The following MUC12 variants were observed in gnomAD, a reference collection of about 807,000 sequenced individuals.
MUC12 encodes the protein mucin-12.
A neutral mutation model predicts 230.8 loss-of-function variants in MUC12; 172 were observed. That is an observed-to-expected ratio of 0.75 (90% CI 0.66 to 0.85). MUC12 has a LOEUF of 0.85. Ranked by LOEUF, MUC12 falls within the 40% of genes least tolerant of loss-of-function variation. MUC12 has a pLI of 0.00. For synonymous variants in MUC12, 1,259 were observed against 2,401.9 expected (o/e 0.52, Z 13.91); for missense variants, 3,506 against 5,920.6 (o/e 0.59, Z 13.38).
chr7:100,976,990 G>T (rs928441607), intron 1 of MUC12, among the ~76,000 whole-genome samples: 1 of 145,284 alleles, frequency 6.9e-6, no homozygotes, highest in Admixed American at 7.1e-5. Context: ...GGCAGAGGTT[G>T]CAGTGAGCCG....
chr7:100,970,674 C>G (rs954648041), intron 1 of MUC12, among the ~76,000 whole-genome samples: 3 of 152,076 alleles, frequency 2.0e-5, no homozygotes, highest in South Asian at 4.2e-4. Context: ...GAAATTGAGA[C>G]CATCCTAGCC....
Position 100,987,698 on chromosome 7 carries a change from C to G in MUC12, c.68-2933C>G, listed in dbSNP as rs554775417. Among the ~76,000 whole-genome samples, 44 of 152,210 alleles carry G rather than the reference C, an allele frequency of 2.9e-4. No homozygotes were observed. In the South Asian group the frequency reaches 2.9e-3, roughly 10 times the overall value. ...GTCTTTTAGAAGTGTGTGGGCCAGG[C>G]GCGGTGGCTCGCGCCTGTAATCCCA... On this transcript the variant is annotated intron_variant, in intron 1 of 11. Transcript: ENST00000536621.
intron 5 of MUC12, among the ~76,000 whole-genome samples, chr7:101,010,982 G>C (rs1793834082): frequency 6.6e-6 from 1 of 152,144 alleles, no homozygotes; most frequent in Admixed American, 6.5e-5. Flanking sequence ...ACAGGCATTG[G>C]TATCCCCAGT....
intron 10 of MUC12, 113 bp from the exon 11 acceptor site, chr7:101,017,462 G>C (rs1446349046): frequency 5.9e-6 from 4 of 678,688 alleles, no homozygotes; most frequent in Non-Finnish European, 5.0e-6. Context: ...CAGTGGGAAA[G>C]GGCGTAGGGC....
rs201006805 is a variant in MUC12 at position 101,005,323 on chromosome 7, A to T, written c.14760A>T (p.Leu4920Phe). ...SSSDATGTTP[L>F]PARSTASDLV... ...CAGACGCAACTGGAACAACACCCTT[A>T]CCTGCCCGCTCCACAGCCTCAGACC... Residue 4920 changes from leucine (L) to phenylalanine (F), a missense_variant, in exon 2 of 12, where the codon TTA becomes TTT. Transcript: ENST00000536621. 1,291 of 1,537,716 alleles carry T rather than the reference A, an allele frequency of 8.4e-4. 14 individuals are homozygous for T. In the African/African-American group the frequency reaches 0.016, roughly 19 times the overall value.
intron 1 of MUC12, among the ~76,000 whole-genome samples, chr7:100,975,543 C>A (rs1337080696): frequency 6.6e-6 from 1 of 152,312 alleles, no homozygotes. Flanking sequence ...AAGGCTGGCT[C>A]TGCTTGAGCA....
chr7:100,980,624 C>T (rs564439080), intron 1 of MUC12, among the ~76,000 whole-genome samples: 58 of 152,250 alleles, frequency 3.8e-4, no homozygotes, highest in South Asian at 1.7e-3. Context: ...GGAATGTCAT[C>T]GTTAAAATGA....
At position 101,009,041 on chromosome 7, in the gene MUC12, G is replaced by A. The variant is rs1793801820; in HGVS notation, c.15187-54G>A. 5 of 1,522,300 alleles carry A rather than the reference G, an allele frequency of 3.3e-6. No individual in the cohort carries two copies. In the Admixed American group the frequency reaches 7.8e-5, roughly 24 times the overall value. The allele number at this position is 1,522,300 out of a possible 1,614,324, so 94.3% of individuals were successfully genotyped here. A position where few individuals can be genotyped will look rare whatever the true frequency, so the allele number is the denominator to read the frequency against. Reference sequence around the variant, plus strand: ...TAGGGCTGCCTCAAGAAGGGTAACAGGAGAGTCTTCATGCTCTAGCTTTGT... The same window carrying A: ...TAGGGCTGCCTCAAGAAGGGTAACAAGAGAGTCTTCATGCTCTAGCTTTGT... On this transcript the variant is annotated intron_variant, in intron 4 of 11. Coordinates refer to ENST00000536621, the MANE Select transcript of MUC12 (RefSeq NM_001164462.2).
At position 100,991,045 on chromosome 7, in the gene MUC12, T is replaced by G; in HGVS notation, c.482T>G (p.Val161Gly). The G allele has an allele frequency of 6.5e-7, 1 of 1,537,240 alleles. No individual in the cohort carries two copies. The highest frequency in any genetic ancestry group is 8.7e-7 in the Non-Finnish European group (1 of 1,146,818). The change falls in exon 2 of 12, where the codon GTC (valine) becomes GGC (glycine). Residue 161 changes from valine (V) to glycine (G), a missense_variant. By Grantham distance (109) the Val-to-Gly change is moderately radical (BLOSUM62 -3). Coordinates refer to ENST00000536621, the MANE Select transcript of MUC12 (RefSeq NM_001164462.2). ...LSPARTTSSGVSEKSTTSHSR... is the reference protein window; with the variant it reads ...LSPARTTSSGGSEKSTTSHSR... ...CCTGCCCGCACGACAAGCTCAGGCG[T>G]CAGTGAAAAATCAACCACCTCCCAC... is the stretch of plus-strand genomic sequence containing the variant.
intron 1 of MUC12, among the ~76,000 whole-genome samples, chr7:100,971,152 C>CAA (rs201598387): frequency 3.7e-5 from 1 of 27,330 alleles, no homozygotes; most frequent in African/African-American, 1.1e-4. Flanking sequence ...GAGACTCTCT[C>CAA]AAAAAAAAAC....
Position 101,004,718 on chromosome 7 carries a change from G to C in MUC12, c.14155G>C (p.Gly4719Arg). ...AESTTFYISP[G>R]SMETTLASTA... ...ATCTACCACCTTCTATATCTCTCCAGGCTCAATGGAAACAACATTAGCCAG... is the reference window on the plus strand; with the variant it reads ...ATCTACCACCTTCTATATCTCTCCACGCTCAATGGAAACAACATTAGCCAG... The change falls in exon 2 of 12, where the codon GGC (glycine) becomes CGC (arginine). Residue 4719 changes from glycine (G) to arginine (R), a missense_variant. By Grantham distance (125) the Gly-to-Arg change is moderately radical. Transcript: ENST00000536621. 1.3e-6 allele frequency: 2 copies of C among 1,536,960 alleles called. No individual in the cohort carries two copies. The highest frequency in any genetic ancestry group is 1.7e-6 in the Non-Finnish European group (2 of 1,146,408).
intron 1 of MUC12, among the ~76,000 whole-genome samples, chr7:100,976,029 T>C (rs964094274): frequency 6.6e-6 from 1 of 152,216 alleles, no homozygotes; most frequent in African/African-American, 2.4e-5. Flanking sequence ...GGCTCACTCA[T>C]GCCTGTAATC....
At chr7:100,969,919 G>C (rs1792821163) in intron 1 of MUC12, among the ~76,000 whole-genome samples, 1 of 152,308 alleles carries the variant, frequency 6.6e-6, no homozygotes, top group African/African-American at 2.4e-5. Context: ...TCTGCACACA[G>C]CTCCTGGCTG....
chr7:100,991,968 C>T lies in MUC12; in HGVS notation c.1405C>T (p.Pro469Ser). The change falls in exon 2 of 12, where the codon CCC becomes TCC. Residue 469 changes from proline (P) to serine (S), a missense_variant. Pro to Ser is a moderately conservative substitution (Grantham distance 74). Coordinates refer to ENST00000536621, the MANE Select transcript of MUC12 (RefSeq NM_001164462.2). ...TCTTGTTGGAGACTCGACGCCCTCACCCATCAGTTCAGGCTCAATGGAAAC... is the reference window on the plus strand; with the variant it reads ...TCTTGTTGGAGACTCGACGCCCTCATCCATCAGTTCAGGCTCAATGGAAAC... Reference protein sequence around the residue: ...SVLVGDSTPSPISSGSMETTA... With the variant: ...SVLVGDSTPSSISSGSMETTA... The T allele has an allele frequency of 7.2e-6, 11 of 1,537,954 alleles. No individual in the cohort carries two copies. The highest frequency in any genetic ancestry group is 9.6e-6 in the Non-Finnish European group (11 of 1,147,076).
chr7:100,994,365 G>T lies in MUC12; in HGVS notation c.3802G>T (p.Glu1268Ter), dbSNP rs2116314795. 1 of 786,550 alleles carries T rather than the reference G, an allele frequency of 1.3e-6. No homozygotes were observed. Among genetic ancestry groups the T allele is most frequent in the East Asian group, 4.4e-5 (1 of 22,486 alleles). 48.7% of individuals were successfully genotyped at this position (786,550 alleles called of 1,614,324 possible). The change falls in exon 2 of 12, where the codon GAA becomes TAA. Residue 1268 changes from glutamate (E) to a stop codon, truncating the protein, a stop_gained. Coordinates refer to ENST00000536621, the MANE Select transcript of MUC12 (RefSeq NM_001164462.2). LOFTEE classifies it high-confidence loss of function. ...CTCCACCACCTCTGGCCTCGTTGGA[G>T]AATCCACACCCTCACGCCTCAGTCC... Reference protein sequence around the residue: ...ARSTTSGLVGESTPSRLSPSS... With the variant: ...ARSTTSGLVG
chr7:100,990,742 C>G lies in MUC12; in HGVS notation c.179C>G (p.Thr60Arg), dbSNP rs199754908. The G allele has an allele frequency of 3.3e-6, 5 of 1,537,892 alleles. No individual in the cohort carries two copies. In the African/African-American group the frequency reaches 6.8e-5, roughly 21 times the overall value. The change falls in exon 2 of 12, where the codon ACG (threonine) becomes AGG (arginine). Residue 60 changes from threonine to arginine, a missense_variant. Coordinates refer to ENST00000536621, the MANE Select transcript of MUC12 (RefSeq NM_001164462.2). ...TATGGGGTGTCAGTCACATTTATCA[C>G]GGGCTCAACTGCAACAAAACACTTC... ...SDYGVSVTFI[T>R]GSTATKHFLD... is the part of the protein sequence containing the mutation.
chr7:100,991,449 T>C lies in MUC12; in HGVS notation c.886T>C (p.Ser296Pro). Residue 296 changes from serine to proline, a missense_variant, in exon 2 of 12, where the codon TCA (serine) becomes CCA (proline). Coordinates refer to ENST00000536621, the MANE Select transcript of MUC12 (RefSeq NM_001164462.2). Reference sequence around the variant, plus strand: ...TTCGCCTGCACCTTCTGGTACCACATCAGCCTTTGTTAAACTATCTACAAC... The same window carrying C: ...TTCGCCTGCACCTTCTGGTACCACACCAGCCTTTGTTAAACTATCTACAAC... The part of the protein sequence containing the change: ...DTSPAPSGTT[S>P]AFVKLSTTYH... 1 of 1,537,776 alleles carries C rather than the reference T, an allele frequency of 6.5e-7. No homozygotes were observed. Among genetic ancestry groups the C allele is most frequent in the Non-Finnish European group, 8.7e-7 (1 of 1,147,044 alleles).
rs762566687 is a variant in MUC12, at chr7:100,992,196, C to T, written c.1633C>T (p.Leu545Phe). The change falls in exon 2 of 12, where the codon CTC becomes TTC. Residue 545 changes from leucine to phenylalanine, a missense_variant. By Grantham distance (22) the Leu-to-Phe change is conservative. Transcript: ENST00000536621. ...CCCTGGCAGTACCACCATGCCAGGCCTCAGTCAGGAATCTACAGCTTCCCA... is the reference window on the plus strand; with the variant it reads ...CCCTGGCAGTACCACCATGCCAGGCTTCAGTCAGGAATCTACAGCTTCCCA... ...AFPGSTTMPGLSQESTASHSS... is the reference protein window; with the variant it reads ...AFPGSTTMPGFSQESTASHSS... 2.6e-6 allele frequency: 4 copies of T among 1,537,916 alleles called. No homozygotes were observed. Among genetic ancestry groups the T allele is most frequent in the Non-Finnish European group, 8.7e-7 (1 of 1,147,050 alleles).
rs575368158 is a variant in MUC12 at position 100,991,930 on chromosome 7, C to A, written c.1367C>A (p.Ser456Tyr). ...GCAACAACAGTCTTACCTGCCGGCT[C>A]TACACCCTCAGTTCTTGTTGGAGAC... ...AMATTVLPAG[S>Y]TPSVLVGDST... The change falls in exon 2 of 12, where the codon TCT becomes TAT. Residue 456 changes from serine (S) to tyrosine (Y), a missense_variant. Physicochemically the swap from Ser to Tyr is moderately radical, Grantham distance 144 (BLOSUM62 -2). Coordinates refer to ENST00000536621, the MANE Select transcript of MUC12 (RefSeq NM_001164462.2). 2.6e-6 allele frequency: 4 copies of A among 1,537,994 alleles called. No individual in the cohort carries two copies. Among genetic ancestry groups the A allele is most frequent in the African/African-American group, 1.4e-5 (1 of 73,172 alleles).
Sources: allele counts gnomAD v4.1 joint callset (sites outside exome capture counted in the v4.1 genomes callset), GRCh38; gene constraint gnomAD v4.1.1; transcripts MANE v1.5; gene names NCBI Gene and HGNC (gene_info 2026-07-23, HGNC 2026-07-21).